The following PCDH9 variants were observed in gnomAD, a reference collection of about 807,000 sequenced individuals.
PCDH9 encodes the protein protocadherin 9, also known as protocadherin-9.
A neutral mutation model predicts 70.6 loss-of-function variants in PCDH9; 24 were observed. That is an observed-to-expected ratio of 0.34 (90% confidence interval 0.25 to 0.48). The LOEUF (loss-of-function observed/expected upper bound fraction) is 0.48, where lower values mean the gene tolerates loss of function less well. Ranked by LOEUF, PCDH9 falls within the 20% of genes least tolerant of loss-of-function variation. The probability of loss-of-function intolerance (pLI) is 0.99; values close to 1 mark genes in which losing one functional copy is unlikely to be tolerated. For missense variants in PCDH9, 1,281 were observed against 1,503.6 expected (o/e 0.85, Z 2.45); for synonymous variants, 562 against 558.5 (o/e 1.01, Z -0.09).
intron 4 of PCDH9, among the ~76,000 whole-genome samples, chr13:66,538,908 G>A (rs191591388): frequency 1.3e-4 from 20 of 152,044 alleles, no homozygotes; most frequent in East Asian, 7.8e-4. Context: ...AGTGAGAAGC[G>A]TAATATTAAA....
intron 3 of PCDH9, among the ~76,000 whole-genome samples, chr13:66,800,285 T>TA (rs764721163): frequency 6.6e-6 from 1 of 152,046 alleles, no homozygotes; most frequent in African/African-American, 2.4e-5. Context: ...TCTCTCATGT[T>TA]GTTGAAAGAA....
At chr13:66,896,598 A>C (rs1343877293) in intron 3 of PCDH9, among the ~76,000 whole-genome samples, 3 of 152,132 alleles carry the variant, frequency 2.0e-5, no homozygotes, top group East Asian at 1.9e-4. Context: ...ATGTATCTGT[A>C]AATATGCATA....
chr13:66,358,599 A>G (rs2138188299), intron 4 of PCDH9, among the ~76,000 whole-genome samples: 1 of 152,076 alleles, frequency 6.6e-6, no homozygotes, highest in South Asian at 2.1e-4. Flanking sequence ...ATCAGGATTG[A>G]ACCTACTTTT....
intron 4 of PCDH9, among the ~76,000 whole-genome samples, chr13:66,444,031 GT>G (rs1195090224): frequency 6.6e-6 from 1 of 152,032 alleles, no homozygotes; most frequent in Non-Finnish European, 1.5e-5. Context: ...AAATTCACCT[GT>G]TTATCTCTAA....
rs141462696 is a variant in PCDH9, at chr13:66,749,703, A to G, written c.3139-118292T>C. On this transcript the variant is annotated intron_variant, in intron 3 of 4. Transcript: ENST00000377865. ...AAATTTAGGAATGAATGCCTATACTAGAAGATGGATGCCTACCCCTTACTA... is the reference window on the plus strand; with the variant it reads ...AAATTTAGGAATGAATGCCTATACTGGAAGATGGATGCCTACCCCTTACTA... 8.3e-4 allele frequency among the ~76,000 whole-genome samples: 126 copies of G among 152,312 alleles called. 2 individuals are homozygous for G. Among genetic ancestry groups the G allele is most frequent in the African/African-American group, 3.0e-3 (123 of 41,582 alleles).
intron 3 of PCDH9, among the ~76,000 whole-genome samples, chr13:66,804,896 C>T (rs775970131): frequency 6.6e-6 from 1 of 151,910 alleles, no homozygotes; most frequent in African/African-American, 2.4e-5. Flanking sequence ...TTCATAATTA[C>T]GTGAAGACAG....
At chr13:66,667,687 A>C (rs1402237983) in intron 3 of PCDH9, among the ~76,000 whole-genome samples, 1 of 152,168 alleles carries the variant, frequency 6.6e-6, no homozygotes, top group Non-Finnish European at 1.5e-5. Flanking sequence ...TTTGCCATAG[A>C]GGACTGCCAC....
intron 4 of PCDH9, among the ~76,000 whole-genome samples, chr13:66,366,043 A>G (rs1956548660): frequency 6.6e-6 from 1 of 152,110 alleles, no homozygotes; most frequent in Non-Finnish European, 1.5e-5. Context: ...GAATCACTCA[A>G]AAAGTATACA....
intron 3 of PCDH9, among the ~76,000 whole-genome samples, chr13:66,673,801 G>A (rs1317442807): frequency 6.6e-6 from 1 of 152,070 alleles, no homozygotes; most frequent in Non-Finnish European, 1.5e-5. Context: ...CTAGATATTG[G>A]CACAATTAAG....
chr13:66,507,132 T>A (rs1245217682), intron 4 of PCDH9, among the ~76,000 whole-genome samples: 1 of 152,294 alleles, frequency 6.6e-6, no homozygotes, highest in Non-Finnish European at 1.5e-5. Flanking sequence ...CTTTTCCCCC[T>A]GCTGTAATAT....
chr13:66,964,458 C>A (rs1255963036), intron 2 of PCDH9, among the ~76,000 whole-genome samples: 2 of 152,026 alleles, frequency 1.3e-5, no homozygotes, highest in Non-Finnish European at 2.9e-5. Context: ...TGGCTTTGAT[C>A]TACCAGGTCA....
At chr13:66,804,780 AT>A (rs2080385715) in intron 3 of PCDH9, among the ~76,000 whole-genome samples, 1 of 152,186 alleles carries the variant, frequency 6.6e-6, no homozygotes, top group African/African-American at 2.4e-5. Context: ...AAGAAGAGCA[AT>A]TTCAAGGCTA....
chr13:67,059,880 T>C (rs9540986), intron 2 of PCDH9, among the ~76,000 whole-genome samples: 7,789 of 23,600 alleles, frequency 0.33, 268 homozygotes, highest in South Asian at 0.41. Flanking sequence ...TTTTTGTTTT[T>C]TGTTGTTTTT....
At chr13:66,716,600 A>C (rs1359080092) in intron 3 of PCDH9, among the ~76,000 whole-genome samples, 1 of 152,196 alleles carries the variant, frequency 6.6e-6, no homozygotes, top group African/African-American at 2.4e-5. Context: ...AGTTTTGCTG[A>C]CAAAACTGAA....
chr13:66,559,523 G>A (rs948286742), intron 4 of PCDH9, among the ~76,000 whole-genome samples: 8 of 152,030 alleles, frequency 5.3e-5, no homozygotes, highest in South Asian at 2.1e-4. Context: ...TCAGGAGGCC[G>A]GGCACAGTGG....
chr13:67,134,319 C>T (rs2087178787), intron 2 of PCDH9, among the ~76,000 whole-genome samples: 1 of 152,056 alleles, frequency 6.6e-6, no homozygotes, highest in Non-Finnish European at 1.5e-5. Flanking sequence ...GATAAAAACA[C>T]AAACTTGTAA....
At chr13:67,136,093 A>G (rs1566447200) in intron 2 of PCDH9, among the ~76,000 whole-genome samples, 1 of 152,128 alleles carries the variant, frequency 6.6e-6, no homozygotes, top group African/African-American at 2.4e-5. Context: ...CTATCTGACA[A>G]TGGTCTCATA....
At chr13:66,572,541 T>C (rs571481917) in intron 4 of PCDH9, among the ~76,000 whole-genome samples, 61 of 152,220 alleles carry the variant, frequency 4.0e-4, no homozygotes, top group African/African-American at 1.5e-3. Flanking sequence ...AGTGACAGGA[T>C]TACATTCCTT....
chr13:67,024,962 A>C (rs2084750627), intron 2 of PCDH9, among the ~76,000 whole-genome samples: 1 of 152,136 alleles, frequency 6.6e-6, no homozygotes, highest in East Asian at 1.9e-4. Context: ...GAAAATATTA[A>C]CCAATATGTA....
Sources: gnomAD v4.1 joint callset for allele counts (sites outside exome capture counted in the v4.1 genomes callset) on GRCh38, gnomAD v4.1.1 for gene constraint, MANE v1.5 for transcripts, NCBI Gene and HGNC (gene_info 2026-07-23, HGNC 2026-07-21) for gene names.